CRYZL1: variants seen among roughly 807,000 people sequenced by gnomAD.
CRYZL1 encodes the protein crystallin zeta like 1.
In CRYZL1, 34 loss-of-function variants were observed where a neutral mutation model predicts 50.6. The ratio of observed to expected loss-of-function variants is 0.67; its 90% CI spans 0.51 to 0.89. CRYZL1 has a LOEUF of 0.89. Ranked by LOEUF, CRYZL1 falls within the 40% of genes least tolerant of loss-of-function variation. The pLI, the probability that CRYZL1 is intolerant of heterozygous loss-of-function variation, is 0.00. For synonymous variants in CRYZL1, 125 were observed against 134.3 expected (o/e 0.93, Z 0.48); for missense variants, 354 against 402.3 (o/e 0.88, Z 1.03).
intron 3 of CRYZL1, among the ~76,000 whole-genome samples, chr21:33,622,349 T>C (rs2087012817): frequency 6.6e-6 from 1 of 152,206 alleles, no homozygotes; most frequent in Admixed American, 6.5e-5. Context: ...CTCTGCCAAG[T>C]ATGAAGGGAA....
At chr21:33,595,980 G>A (rs371973508) in intron 10 of CRYZL1, 144 bp from the exon 11 acceptor site, 6 of 648,144 alleles carry the variant, frequency 9.3e-6, no homozygotes, top group Admixed American at 2.8e-5. Context: ...TAACGTAAAC[G>A]ATAATATTTT....
At chr21:33,639,038 T>G (rs1408898906) in intron 1 of CRYZL1, among the ~76,000 whole-genome samples, 1 of 152,222 alleles carries the variant, frequency 6.6e-6, no homozygotes, top group Non-Finnish European at 1.5e-5. Flanking sequence ...CAACTTGAGA[T>G]CTAAAGATAG....
chr21:33,598,134 C>G (rs2086714647), intron 9 of CRYZL1, among the ~76,000 whole-genome samples: 1 of 151,950 alleles, frequency 6.6e-6, no homozygotes, highest in African/African-American at 2.4e-5. Flanking sequence ...AACACATAAC[C>G]AAATCTGACA....
intron 3 of CRYZL1, among the ~76,000 whole-genome samples, chr21:33,624,095 G>A (rs2145950791): frequency 6.6e-6 from 1 of 151,996 alleles, no homozygotes; most frequent in African/African-American, 2.4e-5. Flanking sequence ...GCAATGTAAA[G>A]GAGTTTATAA....
intron 1 of CRYZL1, among the ~76,000 whole-genome samples, chr21:33,639,261 C>G (rs764065682): frequency 4.6e-5 from 7 of 152,088 alleles, no homozygotes; most frequent in Non-Finnish European, 2.9e-5. Flanking sequence ...GGGTTGGAGA[C>G]GTGGGATGGT....
intron 5 of CRYZL1, 84 bp from the exon 6 acceptor site, chr21:33,613,690 C>A: frequency 9.8e-7 from 1 of 1,019,858 alleles, no homozygotes; most frequent in South Asian, 1.4e-5. Flanking sequence ...AAATTTTGTT[C>A]AGTGAAATTT....
At chr21:33,595,897 T>C in intron 10 of CRYZL1, 61 bp from the exon 11 acceptor site, 2 of 1,118,126 alleles carry the variant, frequency 1.8e-6, no homozygotes, top group South Asian at 1.3e-5. Context: ...GGATGACTGG[T>C]ATCTCGAGTC....
chr21:33,624,751 G>A lies in CRYZL1; in HGVS notation c.76C>T (p.Pro26Ser). The A allele has an allele frequency of 1.3e-6, 2 of 1,596,966 alleles. No individual in the cohort carries two copies. Among genetic ancestry groups the A allele is most frequent in the Non-Finnish European group, 1.7e-6 (2 of 1,175,796 alleles). The stretch of plus-strand genomic sequence containing the variant: ...TTCACAAAGTTATCCTCTGTAACAG[G>A]AAGATCTTCCTAGAACCAAATGATA... Reference protein sequence around the residue: ...TFVFQEKEDLPVTEDNFVKLQ... With the variant: ...TFVFQEKEDLSVTEDNFVKLQ... Residue 26 changes from proline (P) to serine (S), a missense_variant, in exon 3 of 13, where the codon CCT becomes TCT. By Grantham distance (74) the Pro-to-Ser change is moderately conservative. Coordinates refer to ENST00000381554, the MANE Select transcript of CRYZL1 (RefSeq NM_145858.3).
rs115728713 is a variant in CRYZL1, at chr21:33,615,662, A to T, written c.262+1044T>A. ...TTGCAAAATTGCAAAAATACTGTGGATTTTAAAAAACAATAAAAGTTTTAA... is the reference window on the plus strand; with the variant it reads ...TTGCAAAATTGCAAAAATACTGTGGTTTTTAAAAAACAATAAAAGTTTTAA... On this transcript the variant is annotated intron_variant, in intron 5 of 12. Transcript: ENST00000381554. 6.4e-3 allele frequency among the ~76,000 whole-genome samples: 973 copies of T among 152,262 alleles called. 13 individuals carry two copies. The highest frequency in any genetic ancestry group is 0.023 in the African/African-American group (937 of 41,554).
Position 33,589,562 on chromosome 21 carries a change from C to T in CRYZL1, c.*260G>A. ...CATGGAAGGAATTTTATAGCAGGGG[C>T]AAAATATATAGAAACAATGAAAAGG... is the stretch of plus-strand genomic sequence containing the variant. On this transcript the variant is annotated 3_prime_UTR_variant, in exon 13 of 13. Coordinates refer to ENST00000381554, the MANE Select transcript of CRYZL1 (RefSeq NM_145858.3). 2.1e-6 allele frequency: 1 copy of T among 485,848 alleles called. No individual in the cohort carries two copies. The highest frequency in any genetic ancestry group is 3.6e-6 in the Non-Finnish European group (1 of 276,248). The allele number at this position is 485,848 out of a possible 1,614,324, so 30.1% of individuals were successfully genotyped here. A position where few individuals can be genotyped will look rare whatever the true frequency, so the allele number is the denominator to read the frequency against.
intron 1 of CRYZL1, among the ~76,000 whole-genome samples, chr21:33,633,400 T>C (rs989650863): frequency 1.1e-4 from 17 of 152,118 alleles, no homozygotes; most frequent in Non-Finnish European, 2.9e-5. Flanking sequence ...ACATTAGATA[T>C]ATCAATTAAA....
chr21:33,606,487 A>C lies in CRYZL1; in HGVS notation c.332-2950T>G, dbSNP rs557346812. Reference sequence around the variant, plus strand: ...CTAAAAATACAAAAATTAGCCAGGCATGGTGGCAGGCACCTGTAATTCCAG... The same window carrying C: ...CTAAAAATACAAAAATTAGCCAGGCCTGGTGGCAGGCACCTGTAATTCCAG... On this transcript the variant is annotated intron_variant, in intron 6 of 12. Transcript: ENST00000381554. 2.0e-5 allele frequency among the ~76,000 whole-genome samples: 3 copies of C among 151,718 alleles called. 1 individual carries two copies. The East Asian group carries it at 5.9e-4, about 30-fold the overall frequency.
intron 7 of CRYZL1, 172 bp downstream of exon 7, chr21:33,603,232 T>G: frequency 1.5e-6 from 1 of 685,092 alleles, no homozygotes; most frequent in Non-Finnish European, 2.4e-6. Context: ...TAAATCTAAC[T>G]TTGATCTTCT....
In CRYZL1 at chr21:33,616,760, G is replaced by A; in HGVS notation, c.218-10C>T. 1.3e-6 allele frequency: 2 copies of A among 1,589,946 alleles called. No individual in the cohort carries two copies. The highest frequency in any genetic ancestry group is 2.3e-5 in the South Asian group (2 of 86,292). Reference sequence around the variant, plus strand: ...GATACCTTGCTTCCAACTAAAGAGTGAAGAAAATTAATAGTTAATATTACA... The same window carrying A: ...GATACCTTGCTTCCAACTAAAGAGTAAAGAAAATTAATAGTTAATATTACA... On this transcript the variant is annotated splice_polypyrimidine_tract_variant and intron_variant, in intron 4 of 12. Coordinates refer to ENST00000381554, the MANE Select transcript of CRYZL1 (RefSeq NM_145858.3).
chr21:33,622,660 G>T (rs954998323), intron 3 of CRYZL1, among the ~76,000 whole-genome samples: 1 of 152,136 alleles, frequency 6.6e-6, no homozygotes, highest in South Asian at 2.1e-4. Context: ...ATTAGATTGT[G>T]ACCAAATTAA....
At chr21:33,612,726 C>A (rs1320318501) in intron 6 of CRYZL1, among the ~76,000 whole-genome samples, 1 of 152,056 alleles carries the variant, frequency 6.6e-6, no homozygotes, top group Non-Finnish European at 1.5e-5. Flanking sequence ...TGTGTGTGTA[C>A]ATGTACTTTA....
chr21:33,636,646 CTT>C (rs1568801587), intron 1 of CRYZL1, among the ~76,000 whole-genome samples: 1 of 152,138 alleles, frequency 6.6e-6, no homozygotes, highest in African/African-American at 2.4e-5. Context: ...AAATTAAACA[CTT>C]GACTACAAAC....
Position 33,624,743 on chromosome 21 carries a change from TG to T in CRYZL1, c.83del (p.Thr28LysfsTer6), listed in dbSNP as rs2087041003. On this transcript the variant is annotated frameshift_variant, in exon 3 of 13. Coordinates refer to ENST00000381554, the MANE Select transcript of CRYZL1 (RefSeq NM_145858.3). LOFTEE classifies it high-confidence loss of function. ...CTTGAAGTTTCACAAAGTTATCCTCTGTAACAGGAAGATCTTCCTAGAACCA... is the reference window on the plus strand; with the variant it reads ...CTTGAAGTTTCACAAAGTTATCCTCTTAACAGGAAGATCTTCCTAGAACCA... ...VFQEKEDLPV[T>X]EDNFVKLQVK... is the part of the protein sequence containing the mutation. 6.3e-7 allele frequency: 1 copy of T among 1,593,882 alleles called. No individual in the cohort carries two copies.
chr21:33,614,858 C>A (rs2086911503), intron 5 of CRYZL1, among the ~76,000 whole-genome samples: 1 of 152,194 alleles, frequency 6.6e-6, no homozygotes, highest in Non-Finnish European at 1.5e-5. Context: ...GTGTGAGCCA[C>A]TACACCCAGC....
Sources: allele counts gnomAD v4.1 joint callset (sites outside exome capture counted in the v4.1 genomes callset), GRCh38; gene constraint gnomAD v4.1.1; transcripts MANE v1.5; gene names NCBI Gene and HGNC (gene_info 2026-07-23, HGNC 2026-07-21).